KCNK17: variants seen among roughly 807,000 people sequenced by gnomAD.
The protein encoded by KCNK17 is potassium two pore domain channel subfamily K member 17.
In KCNK17, 27 loss-of-function variants were observed where a neutral mutation model predicts 24.6. The observed-to-expected ratio is 1.10, with a 90% CI of 0.81 to 1.51. The LOEUF (loss-of-function observed/expected upper bound fraction) is 1.51. Ranked by LOEUF, KCNK17 falls within the 40% of genes most tolerant of loss-of-function variation. The probability of loss-of-function intolerance (pLI) is 0.00; values close to 1 mark genes in which losing one functional copy is unlikely to be tolerated. For missense variants in KCNK17, 450 were observed against 436.6 expected (o/e 1.03, Z -0.27); for synonymous variants, 181 against 189.8 (o/e 0.95, Z 0.38).
Position 39,311,026 on chromosome 6 carries a change from T to C in KCNK17, c.238-19A>G, listed in dbSNP as rs1212607795. ...CGACATCCTGGGGAAGAGGCTGCAA[T>C]GACCACCAGGCTCTGTGGGGTGATG... On this transcript the variant is annotated intron_variant, in intron 1 of 4. Coordinates refer to ENST00000373231, the MANE Select transcript of KCNK17 (RefSeq NM_031460.4). The C allele has an allele frequency of 6.6e-7, 1 of 1,524,284 alleles. No homozygotes were observed. Among genetic ancestry groups the C allele is most frequent in the Non-Finnish European group, 9.0e-7 (1 of 1,106,490 alleles). The allele number at this position is 1,524,284 out of a possible 1,614,324, so 94.4% of individuals were successfully genotyped here. A position where few individuals can be genotyped will look rare whatever the true frequency, so the allele number is the denominator to read the frequency against.
chr6:39,299,670 C>A lies in KCNK17; in HGVS notation c.756G>T (p.Gly252=). 6.2e-7 allele frequency: 1 copy of A among 1,614,126 alleles called. No homozygotes were observed. Among genetic ancestry groups the A allele is most frequent in the Non-Finnish European group, 8.5e-7 (1 of 1,180,026 alleles). ...TGATGATCAAGGCCAGCCATGCCAT[C>A]CCAAAGAGGATCCACAGGGACACCA... ...KNMVSLWILF[G]MAWLALIIKL... Residue 252 remains glycine, a synonymous_variant, in exon 5 of 5, where the codon GGG becomes GGT. Transcript: ENST00000373231.
Position 39,299,506 on chromosome 6 carries a change from C to T in KCNK17, c.920G>A (p.Cys307Tyr). The change falls in exon 5 of 5, where the codon TGC becomes TAC. Residue 307 changes from cysteine (C) to tyrosine (Y), a missense_variant. Coordinates refer to ENST00000373231, the MANE Select transcript of KCNK17 (RefSeq NM_031460.4). ...EPESHSPQQG[C>Y]YPEGPMGIIQ... ...GATTCCCATGGGTCCCTCTGGATAG[C>T]ATCCTTGCTGTGGGGAGTGGGACTC... is the stretch of plus-strand genomic sequence containing the variant. 1 of 1,614,236 alleles carries T rather than the reference C, an allele frequency of 6.2e-7. No homozygotes were observed. The highest frequency in any genetic ancestry group is 8.5e-7 in the Non-Finnish European group (1 of 1,180,046).
Position 39,299,363 on chromosome 6 carries a change from C to T in KCNK17, c.*64G>A. 1 of 1,274,430 alleles carries T rather than the reference C, an allele frequency of 7.8e-7. No homozygotes were observed. The highest frequency in any genetic ancestry group is 1.1e-6 in the Non-Finnish European group (1 of 907,514). The allele number at this position is 1,274,430 out of a possible 1,614,324, so 78.9% of individuals were successfully genotyped here. The stretch of plus-strand genomic sequence containing the variant: ...AAATGTAGTCTTTAGTTTGGGTGGA[C>T]ATGTGCAAAGCTTAAAATCAGGGGT... On this transcript the variant is annotated 3_prime_UTR_variant, in exon 5 of 5. Coordinates refer to ENST00000373231, the MANE Select transcript of KCNK17 (RefSeq NM_031460.4).
intron 1 of KCNK17, among the ~76,000 whole-genome samples, chr6:39,311,455 A>G (rs754545035): frequency 6.6e-6 from 1 of 152,180 alleles, no homozygotes; most frequent in Non-Finnish European, 1.5e-5. Flanking sequence ...GATGCAGTCA[A>G]TGTCACTTTG....
intron 2 of KCNK17, among the ~76,000 whole-genome samples, chr6:39,306,767 T>C (rs1327479282): frequency 1.6e-5 from 1 of 63,916 alleles, no homozygotes; most frequent in Non-Finnish European, 2.8e-5. Context: ...TCTTTCTTTG[T>C]TTTTTTTTTT....
chr6:39,311,109 CACACACACACAA>C (rs1234093191), intron 1 of KCNK17, 102 bp from the exon 2 acceptor site: 33 of 572,530 alleles, frequency 5.8e-5, no homozygotes, highest in African/African-American at 4.4e-4. Context: ...CACACACACA[CACACACACACAA>C]ACAAACCTAC....
chr6:39,313,826 C>T (rs532181093), intron 1 of KCNK17, among the ~76,000 whole-genome samples: 1 of 152,184 alleles, frequency 6.6e-6, no homozygotes, highest in African/African-American at 2.4e-5. Context: ...CATGCCCTCT[C>T]GCCCCCAAGT....
At chr6:39,305,812 C>A (rs933315119) in intron 2 of KCNK17, among the ~76,000 whole-genome samples, 2 of 152,170 alleles carry the variant, frequency 1.3e-5, no homozygotes, top group African/African-American at 4.8e-5. Flanking sequence ...CAGGTCCACT[C>A]GTGCCTCTGC....
At chr6:39,305,497 G>GC (rs901583781) in intron 2 of KCNK17, among the ~76,000 whole-genome samples, 13 of 117,508 alleles carry the variant, frequency 1.1e-4, no homozygotes, top group African/African-American at 3.4e-4. Flanking sequence ...GTAGAAGTTG[G>GC]GGGGGTGGTC....
intron 4 of KCNK17, among the ~76,000 whole-genome samples, 194 bp downstream of exon 4, chr6:39,303,763 G>A (rs1078911): frequency 0.19 from 29,355 of 152,172 alleles, 3,598 homozygotes; most frequent in East Asian, 0.36. Flanking sequence ...GGACCTCTCC[G>A]CGTTGGTCAA....
intron 1 of KCNK17, 137 bp from the exon 2 acceptor site, chr6:39,311,144 C>CACAATTACT: frequency 1.7e-6 from 1 of 577,386 alleles, no homozygotes; most frequent in East Asian, 3.0e-5. Flanking sequence ...ACACAGCCCT[C>CACAATTACT]ACAATTACTC....
chr6:39,303,971 C>T lies in KCNK17; in HGVS notation c.674G>A (p.Gly225Asp). The T allele has an allele frequency of 6.2e-7, 1 of 1,612,856 alleles. No homozygotes were observed. Among genetic ancestry groups the T allele is most frequent in the Non-Finnish European group, 8.5e-7 (1 of 1,179,872 alleles). ...AFITLSTVGFGDYVIGMNPSQ... is the reference protein window; with the variant it reads ...AFITLSTVGFDDYVIGMNPSQ... The stretch of plus-strand genomic sequence containing the variant: ...GGAACTCTCACCAATCACGTAGTCG[C>T]CGAAGCCCACGGTGCTGAGGGTGAT... The change falls in exon 4 of 5, where the codon GGC (glycine) becomes GAC (aspartate). Residue 225 changes from glycine (G) to aspartate (D), a missense_variant. Transcript: ENST00000373231.
intron 4 of KCNK17, among the ~76,000 whole-genome samples, chr6:39,303,564 C>T (rs1031088329): frequency 3.3e-5 from 5 of 152,160 alleles, no homozygotes; most frequent in East Asian, 1.9e-4. Context: ...AGGAGTCTCC[C>T]GGACCCTACT....
intron 4 of KCNK17, chr6:39,300,417 C>A: frequency 7.0e-7 from 1 of 1,435,046 alleles, no homozygotes; most frequent in Non-Finnish European, 9.6e-7. Context: ...AGCCACCGTG[C>A]CCGGCCAGAA....
At position 39,314,404 on chromosome 6, in the gene KCNK17, C is replaced by T. The variant is rs1180816228; in HGVS notation, c.-84G>A. The T allele has an allele frequency of 9.7e-7, 1 of 1,029,572 alleles. No homozygotes were observed. The highest frequency in any genetic ancestry group is 1.3e-6 in the Non-Finnish European group (1 of 751,450). The allele number at this position is 1,029,572 out of a possible 1,614,324, so 63.8% of individuals were successfully genotyped here. A position where few individuals can be genotyped will look rare whatever the true frequency, so the allele number is the denominator to read the frequency against. ...AGGGCCAGGCGTCCAGCTCGTATCTCCTCTCGCAAACGCCTGCTGGTGCCC... is the reference window on the plus strand; with the variant it reads ...AGGGCCAGGCGTCCAGCTCGTATCTTCTCTCGCAAACGCCTGCTGGTGCCC... On this transcript the variant is annotated 5_prime_UTR_variant, in exon 1 of 5. Transcript: ENST00000373231.
chr6:39,300,791 C>T (rs1761940428), intron 4 of KCNK17, among the ~76,000 whole-genome samples: 1 of 152,136 alleles, frequency 6.6e-6, no homozygotes, highest in South Asian at 2.1e-4. Context: ...TACTTATGGC[C>T]TCTCGGCTCC....
chr6:39,306,251 C>T (rs9394583), intron 2 of KCNK17, among the ~76,000 whole-genome samples: 29,559 of 152,072 alleles, frequency 0.19, 3,651 homozygotes, highest in East Asian at 0.39. Flanking sequence ...GCCATGTTGG[C>T]CAGGCTGGTC....
chr6:39,304,102 G>T lies in KCNK17; in HGVS notation c.543C>A (p.Gly181=). 1 of 1,610,770 alleles carries T rather than the reference G, an allele frequency of 6.2e-7. No homozygotes were observed. Residue 181 remains glycine (G), a synonymous_variant, in exon 4 of 5, where the codon GGC becomes GGA. Transcript: ENST00000373231. ...GGAGGCCCGAGAGGAGGGCGCCAGA[G>T]CCCGCCAGCCACCGCGCCTTGTCAG... ...QDPDKARWLA[G]SGALLSGLLL...
At position 39,304,655 on chromosome 6, in the gene KCNK17, C is replaced by A. The variant is rs768501639; in HGVS notation, c.353G>T (p.Gly118Val). ...FFSVSTITTI[G>V]YGNLSPNTMA... ...CGTGTTGGGGCTCAGGTTGCCATAG[C>A]CTGAGGTGAGAGGGGGCACTCAGGG... The change falls in exon 3 of 5, where the codon GGC (glycine) becomes GTC (valine). Residue 118 changes from glycine (G) to valine (V), a missense_variant and splice_region_variant. Physicochemically the swap from Gly to Val is moderately radical, Grantham distance 109. Coordinates refer to ENST00000373231, the MANE Select transcript of KCNK17 (RefSeq NM_031460.4). 1.2e-5 allele frequency: 19 copies of A among 1,608,212 alleles called. No individual in the cohort carries two copies. The highest frequency in any genetic ancestry group is 1.7e-6 in the Non-Finnish European group (2 of 1,175,144).
Sources: gnomAD v4.1 joint callset for allele counts (sites outside exome capture counted in the v4.1 genomes callset) on GRCh38, gnomAD v4.1.1 for gene constraint, MANE v1.5 for transcripts, NCBI Gene and HGNC (gene_info 2026-07-23, HGNC 2026-07-21) for gene names.